Variants in DIP2C observed in about 807,000 individuals in gnomAD.
DIP2C encodes DIP2 acetate--CoA ligase C (putative).
A neutral mutation model predicts 192.4 loss-of-function variants in DIP2C; 33 were observed. The observed-to-expected ratio is 0.17, with a 90% CI of 0.13 to 0.23. The LOEUF is 0.23. DIP2C is among the 10% of genes least tolerant of loss of function. The pLI, the probability that DIP2C is intolerant of heterozygous loss-of-function variation, is 1.00. For synonymous variants in DIP2C, 979 were observed against 864.1 expected (o/e 1.13, Z -2.33); for missense variants, 1,537 against 2,110.1 (o/e 0.73, Z 5.32).
At chr10:604,098 G>T (rs535274904) in intron 1 of DIP2C, among the ~76,000 whole-genome samples, 1 of 138,326 alleles carries the variant, frequency 7.2e-6, no homozygotes, top group African/African-American at 2.7e-5. Flanking sequence ...GCAGACCCTC[G>T]TACTCCCTCT....
At chr10:494,937 C>T (rs993898890) in intron 1 of DIP2C, among the ~76,000 whole-genome samples, 4 of 152,220 alleles carry the variant, frequency 2.6e-5, no homozygotes, top group Admixed American at 6.5e-5. Context: ...TGCATGCTCA[C>T]ATCCACTGCA....
chr10:304,947 C>T (rs1301371789), intron 32 of DIP2C, among the ~76,000 whole-genome samples: 2 of 152,210 alleles, frequency 1.3e-5, no homozygotes, highest in Non-Finnish European at 2.9e-5. Flanking sequence ...TATGCACACA[C>T]ACGACACGTG....
chr10:485,314 G>A (rs1253979639), intron 2 of DIP2C, among the ~76,000 whole-genome samples: 2 of 152,230 alleles, frequency 1.3e-5, no homozygotes, highest in Non-Finnish European at 2.9e-5. Flanking sequence ...ATGGCTCTGC[G>A]AGAAGAGAAT....
At chr10:523,482 G>A (rs1588383109) in intron 1 of DIP2C, among the ~76,000 whole-genome samples, 1 of 123,020 alleles carries the variant, frequency 8.1e-6, no homozygotes, top group Non-Finnish European at 1.7e-5. Context: ...ACCCTGGAGT[G>A]AGGATGCAGG....
chr10:362,358 T>A lies in DIP2C; in HGVS notation c.2794+132A>T, dbSNP rs878919149. 9.4e-6 allele frequency: 10 copies of A among 1,059,304 alleles called. No homozygotes were observed. The South Asian group carries it at 1.7e-4, about 18-fold the overall frequency. 65.6% of individuals were successfully genotyped at this position (1,059,304 alleles called of 1,614,324 possible). ...GTTGCCCCCACCCATTCTATTTTCT[T>A]GGGGTAACCACTTCTTTCCCGCAAG... is the stretch of plus-strand genomic sequence containing the variant. On this transcript the variant is annotated intron_variant, in intron 22 of 36. Transcript: ENST00000280886.
chr10:390,607 G>A (rs11252090), intron 11 of DIP2C, 133 bp downstream of exon 11: 620,037 of 1,440,922 alleles, frequency 0.43, 139,231 homozygotes, highest in Non-Finnish European at 0.47. Context: ...ACGAGAACGC[G>A]TGAAAACTCG....
At chr10:546,751 T>TG (rs1227597900) in intron 1 of DIP2C, among the ~76,000 whole-genome samples, 11 of 151,542 alleles carry the variant, frequency 7.3e-5, no homozygotes, top group Admixed American at 2.0e-4. Context: ...TAGAAAACAC[T>TG]GGTTCAGAGT....
chr10:320,958 G>A (rs1956979017), intron 31 of DIP2C, among the ~76,000 whole-genome samples: 1 of 152,204 alleles, frequency 6.6e-6, no homozygotes, highest in Admixed American at 6.5e-5. Context: ...GACCCGGGCG[G>A]AGCAGGATGA....
Position 446,336 on chromosome 10 carries a change from T to C in DIP2C, c.269-5340A>G, listed in dbSNP as rs1968210962. 2.0e-5 allele frequency among the ~76,000 whole-genome samples: 3 copies of C among 151,856 alleles called. No homozygotes were observed. The South Asian group carries it at 6.3e-4, about 32-fold the overall frequency. The stretch of plus-strand genomic sequence containing the variant: ...GTCTATCTTCCACTGGACATCGGTA[T>C]ACAACTGTTGTGAAGAGTCTCATGG... On this transcript the variant is annotated intron_variant, in intron 3 of 36. Coordinates refer to ENST00000280886, the MANE Select transcript of DIP2C (RefSeq NM_014974.3).
rs536782618 is a variant in DIP2C at position 387,493 on chromosome 10, C to T, written c.1662+252G>A. On this transcript the variant is annotated intron_variant, in intron 14 of 36. Transcript: ENST00000280886. ...CTCCTGTGTGGACAGGCAGTGCGGG[C>T]GGCGGGGGGGCGACTCCTGTGTGGA... Among the ~76,000 whole-genome samples the T allele has an allele frequency of 8.2e-4, 71 of 86,844 alleles. 1 individual carries two copies. The South Asian group carries it at 0.028, about 34-fold the overall frequency. 57.0% of individuals were successfully genotyped at this position (86,844 alleles called of 152,430 possible).
chr10:599,396 A>C (rs916514512), intron 1 of DIP2C, among the ~76,000 whole-genome samples: 2 of 152,222 alleles, frequency 1.3e-5, no homozygotes, highest in Admixed American at 6.5e-5. Context: ...TGCAATCAAA[A>C]GACCAATTCA....
chr10:320,222 G>A lies in DIP2C; in HGVS notation c.3924+6784C>T, dbSNP rs143689436. On this transcript the variant is annotated intron_variant, in intron 31 of 36. Transcript: ENST00000280886. ...AGGATATGTTTAATTTCTCTAATGTGAATTGTATTTACACACACAGATTGG... is the reference window on the plus strand; with the variant it reads ...AGGATATGTTTAATTTCTCTAATGTAAATTGTATTTACACACACAGATTGG... Among the ~76,000 whole-genome samples the A allele has an allele frequency of 2.1e-3, 321 of 152,318 alleles. 2 individuals are homozygous for A. The highest frequency in any genetic ancestry group is 7.5e-3 in the African/African-American group (313 of 41,572).
intron 32 of DIP2C, among the ~76,000 whole-genome samples, chr10:293,952 A>G (rs79430764): frequency 0.018 from 2,740 of 152,304 alleles, 70 homozygotes; most frequent in African/African-American, 0.062. Context: ...TCACCCAAAA[A>G]ATGAGCAACG....
intron 2 of DIP2C, among the ~76,000 whole-genome samples, chr10:475,755 A>G (rs1971007952): frequency 6.6e-6 from 1 of 152,230 alleles, no homozygotes; most frequent in Admixed American, 6.6e-5. Flanking sequence ...CTTTGATGTC[A>G]TTCCAAACGA....
intron 32 of DIP2C, among the ~76,000 whole-genome samples, chr10:296,550 A>G (rs184328896): frequency 1.3e-5 from 2 of 152,274 alleles, no homozygotes; most frequent in East Asian, 3.9e-4. Flanking sequence ...ATATACCCAA[A>G]GGATTATAAA....
intron 1 of DIP2C, among the ~76,000 whole-genome samples, chr10:505,277 G>A (rs1228442606): frequency 6.6e-6 from 1 of 152,136 alleles, no homozygotes; most frequent in Non-Finnish European, 1.5e-5. Context: ...CCTCTACAAG[G>A]ATATACAGAT....
At chr10:596,435 G>GCA (rs1450071801) in intron 1 of DIP2C, among the ~76,000 whole-genome samples, 1 of 138,010 alleles carries the variant, frequency 7.2e-6, no homozygotes, top group African/African-American at 2.7e-5. Context: ...GGGAGAGGTT[G>GCA]CAGTGAGCCG....
chr10:616,821 A>G (rs1173617782), intron 1 of DIP2C, among the ~76,000 whole-genome samples: 3 of 152,168 alleles, frequency 2.0e-5, no homozygotes, highest in African/African-American at 7.2e-5. Flanking sequence ...AAAATATTTG[A>G]GAGCCACGCC....
intron 1 of DIP2C, among the ~76,000 whole-genome samples, chr10:566,008 CTG>C (rs1483638829): frequency 6.6e-6 from 1 of 152,220 alleles, no homozygotes; most frequent in African/African-American, 2.4e-5. Flanking sequence ...CATTCAGACA[CTG>C]TCAGAACCCT....
Sources: allele counts gnomAD v4.1 joint callset (sites outside exome capture counted in the v4.1 genomes callset), GRCh38; gene constraint gnomAD v4.1.1; transcripts MANE v1.5; gene names NCBI Gene and HGNC (gene_info 2026-07-23, HGNC 2026-07-21).